The following LANCL2 variants were observed in gnomAD, a reference collection of about 807,000 sequenced individuals.
LANCL2 encodes the protein LanC like glutathione S-transferase 2, also known as lanC-like protein 2.
In LANCL2, 33 loss-of-function variants were observed where a neutral mutation model predicts 56.9. The observed-to-expected ratio is 0.58, with a 90% CI of 0.44 to 0.78. The LOEUF is 0.78. LANCL2 is among the 30% of genes least tolerant of loss of function. The pLI, the probability that LANCL2 is intolerant of heterozygous loss-of-function variation, is 0.00. For synonymous variants in LANCL2, 233 were observed against 228.2 expected (o/e 1.02, Z -0.19); for missense variants, 562 against 580.2 (o/e 0.97, Z 0.32).
chr7:55,367,062 A>C (rs1039200528), intron 1 of LANCL2, among the ~76,000 whole-genome samples: 2 of 152,062 alleles, frequency 1.3e-5, no homozygotes. Context: ...AGTTTAGAGC[A>C]CTCTTCTGTT....
intron 6 of LANCL2, among the ~76,000 whole-genome samples, chr7:55,422,285 G>T (rs1790617098): frequency 6.6e-6 from 1 of 152,034 alleles, no homozygotes; most frequent in Non-Finnish European, 1.5e-5. Context: ...ATACAGTTTT[G>T]CTGGGTGTGG....
intron 6 of LANCL2, among the ~76,000 whole-genome samples, chr7:55,414,097 A>G (rs941235763): frequency 2.0e-5 from 3 of 152,250 alleles, no homozygotes; most frequent in African/African-American, 4.8e-5. Flanking sequence ...AGGAAAAAGC[A>G]TATGTAATAT....
At chr7:55,428,191 G>A (rs949503027) in intron 7 of LANCL2, 184 bp from the exon 8 acceptor site, 8 of 609,334 alleles carry the variant, frequency 1.3e-5, no homozygotes, top group Non-Finnish European at 2.0e-5. Flanking sequence ...TGAGGCAGCC[G>A]CAAGCAGAGC....
chr7:55,430,578 C>T (rs1790716731), intron 8 of LANCL2, among the ~76,000 whole-genome samples: 2 of 152,316 alleles, frequency 1.3e-5, no homozygotes, highest in Middle Eastern at 3.4e-3. Flanking sequence ...TTACAAACCT[C>T]AGAGAAGTAC....
At chr7:55,419,494 C>G (rs1790584979) in intron 6 of LANCL2, among the ~76,000 whole-genome samples, 1 of 151,284 alleles carries the variant, frequency 6.6e-6, no homozygotes, top group South Asian at 2.1e-4. Context: ...CTCCGCCTCC[C>G]GGGTTCAGGC....
Position 55,365,850 on chromosome 7 carries a change from A to G in LANCL2, c.-176A>G, listed in dbSNP as rs1312244673. 1.1e-5 allele frequency: 5 copies of G among 470,836 alleles called. No homozygotes were observed. Among genetic ancestry groups the G allele is most frequent in the African/African-American group, 8.2e-5 (4 of 48,942 alleles). The allele number at this position is 470,836 out of a possible 1,614,324, so 29.2% of individuals were successfully genotyped here. On this transcript the variant is annotated 5_prime_UTR_variant, in exon 1 of 9. Coordinates refer to ENST00000254770, the MANE Select transcript of LANCL2 (RefSeq NM_018697.4). ...CGCCTCTGCGGCCGCCTGATGTGCG[A>G]GCAGCCCGCGACGAGGCAGTGCACG...
intron 2 of LANCL2, among the ~76,000 whole-genome samples, chr7:55,393,030 A>C (rs1790210352): frequency 6.6e-6 from 1 of 152,222 alleles, no homozygotes; most frequent in Admixed American, 6.5e-5. Flanking sequence ...ACATCAAAAA[A>C]TGTAATTGAA....
At position 55,374,594 on chromosome 7, in the gene LANCL2, T is replaced by C. The variant is rs552879883; in HGVS notation, c.204+8365T>C. ...GTAGTAATTAGCTTTGAGGTAAGGA[T>C]TGGGGGACTTTTGTTTTATTCATTT... On this transcript the variant is annotated intron_variant, in intron 1 of 8. Coordinates refer to ENST00000254770, the MANE Select transcript of LANCL2 (RefSeq NM_018697.4). 1.3e-3 allele frequency among the ~76,000 whole-genome samples: 201 copies of C among 152,314 alleles called. 3 individuals are homozygous for C. The highest frequency in any genetic ancestry group is 4.5e-3 in the African/African-American group (187 of 41,562).
chr7:55,365,951 G>T lies in LANCL2; in HGVS notation c.-75G>T. The T allele has an allele frequency of 8.3e-7, 1 of 1,210,966 alleles. No homozygotes were observed. The highest frequency in any genetic ancestry group is 1.1e-6 in the Non-Finnish European group (1 of 911,424). The allele number at this position is 1,210,966 out of a possible 1,614,324, so 75.0% of individuals were successfully genotyped here. A position where few individuals can be genotyped will look rare whatever the true frequency, so the allele number is the denominator to read the frequency against. On this transcript the variant is annotated 5_prime_UTR_variant, in exon 1 of 9. It adds an upstream start codon to the 5' untranslated region. Transcript: ENST00000254770. The stretch of plus-strand genomic sequence containing the variant: ...GACGCTCTCTGCGCGGGCCCTCGGA[G>T]GAGGCGGCGGCGGGGCGAGCTGCAG...
chr7:55,366,936 C>T (rs1789881281), intron 1 of LANCL2, among the ~76,000 whole-genome samples: 1 of 152,170 alleles, frequency 6.6e-6, no homozygotes, highest in Non-Finnish European at 1.5e-5. Flanking sequence ...GCTTGAACCA[C>T]GTCTAGGTAG....
intron 7 of LANCL2, among the ~76,000 whole-genome samples, chr7:55,427,527 T>TA (rs1198194196): frequency 6.6e-6 from 1 of 152,240 alleles, no homozygotes; most frequent in Non-Finnish European, 1.5e-5. Flanking sequence ...ACCTATGATG[T>TA]AAAGCCCACA....
chr7:55,418,077 G>T (rs537216055), intron 6 of LANCL2, among the ~76,000 whole-genome samples: 6 of 151,960 alleles, frequency 3.9e-5, no homozygotes, highest in African/African-American at 1.4e-4. Context: ...GTGCTTTATA[G>T]TTTTTGCTCT....
intron 1 of LANCL2, among the ~76,000 whole-genome samples, chr7:55,371,219 A>G (rs758132408): frequency 2.4e-4 from 37 of 151,682 alleles, no homozygotes; most frequent in Non-Finnish European, 3.7e-4. Context: ...TTTGTTCTCT[A>G]TCTCTGTATA....
In LANCL2 at chr7:55,411,892, T is replaced by G; in HGVS notation, c.826-15T>G. ...CAGAGAAAATAATTTGTGTTTCATT[T>G]TTGTTTGTTTAAAGCCGGCAGCAAA... is the stretch of plus-strand genomic sequence containing the variant. On this transcript the variant is annotated splice_polypyrimidine_tract_variant and intron_variant, in intron 5 of 8. Transcript: ENST00000254770. 6.3e-7 allele frequency: 1 copy of G among 1,595,678 alleles called. No homozygotes were observed. Among genetic ancestry groups the G allele is most frequent in the Non-Finnish European group, 8.6e-7 (1 of 1,167,070 alleles).
At chr7:55,407,366 C>T (rs918264197) in intron 5 of LANCL2, among the ~76,000 whole-genome samples, 3 of 152,296 alleles carry the variant, frequency 2.0e-5, no homozygotes, top group Non-Finnish European at 2.9e-5. Context: ...CCACCCCACT[C>T]GGGGCTTGAA....
chr7:55,373,922 T>G (rs148143299), intron 1 of LANCL2, among the ~76,000 whole-genome samples: 1 of 152,240 alleles, frequency 6.6e-6, no homozygotes, highest in South Asian at 2.1e-4. Context: ...CAAATTTTGC[T>G]TGAATAGAAT....
chr7:55,366,375 C>G (rs755478863), intron 1 of LANCL2, 146 bp downstream of exon 1: 2 of 652,856 alleles, frequency 3.1e-6, no homozygotes, highest in Non-Finnish European at 2.4e-6. Context: ...TCCGGGCCTT[C>G]CCGATGAGCC....
At position 55,425,441 on chromosome 7, in the gene LANCL2, C is replaced by T; in HGVS notation, c.1185+11C>T. 1.2e-6 allele frequency: 2 copies of T among 1,613,190 alleles called. No homozygotes were observed. Among genetic ancestry groups the T allele is most frequent in the Non-Finnish European group, 1.7e-6 (2 of 1,179,412 alleles). On this transcript the variant is annotated intron_variant, in intron 7 of 8. Coordinates refer to ENST00000254770, the MANE Select transcript of LANCL2 (RefSeq NM_018697.4). ...TACCGAGCTTGCAAGGTGAGGGTGG[C>T]TCTGTTGGAACTGCTTCTGAACAAC...
At position 55,366,133 on chromosome 7, in the gene LANCL2, G is replaced by A. The variant is rs1208407735; in HGVS notation, c.108G>A (p.Gly36=). Residue 36 remains glycine, a synonymous_variant, in exon 1 of 9, where the codon GGG becomes GGA. Transcript: ENST00000254770. ...NPFPDYEAAA[G]ALLASGAAEE... ...TCCCGGACTACGAGGCCGCCGCCGGGGCGCTGCTCGCCTCCGGAGCGGCCG... is the reference window on the plus strand; with the variant it reads ...TCCCGGACTACGAGGCCGCCGCCGGAGCGCTGCTCGCCTCCGGAGCGGCCG... 1 of 1,547,618 alleles carries A rather than the reference G, an allele frequency of 6.5e-7. No homozygotes were observed. The highest frequency in any genetic ancestry group is 8.7e-7 in the Non-Finnish European group (1 of 1,144,244).
Sources: gnomAD v4.1 joint callset for allele counts (sites outside exome capture counted in the v4.1 genomes callset) on GRCh38, gnomAD v4.1.1 for gene constraint, MANE v1.5 for transcripts, NCBI Gene and HGNC (gene_info 2026-07-23, HGNC 2026-07-21) for gene names.